The following COL4A6 variants were observed in gnomAD, a reference collection of about 807,000 sequenced individuals.
COL4A6 encodes collagen type IV alpha 6 chain.
Under a neutral mutation model 126.7 loss-of-function variants are expected in COL4A6, and 59 were observed. The observed-to-expected ratio is 0.47, with a 90% CI of 0.38 to 0.58. The LOEUF (loss-of-function observed/expected upper bound fraction) is 0.58, where lower values mean the gene tolerates loss of function less well. Ranked by LOEUF, COL4A6 falls within the 20% of genes least tolerant of loss-of-function variation. The pLI is 0.00. For synonymous variants in COL4A6, 547 were observed against 496.6 expected (o/e 1.10, Z -1.35); for missense variants, 1,285 against 1,337.3 (o/e 0.96, Z 0.61).
intron 3 of COL4A6, among the ~76,000 whole-genome samples, chrX:108,306,170 T>C (rs1398518103): frequency 8.9e-6 from 1 of 111,883 alleles, no homozygotes; most frequent in Non-Finnish European, 1.9e-5. Context: ...GAAGAAGGTG[T>C]CTTATATAGC....
At chrX:108,428,984 G>C (rs952202995) in intron 2 of COL4A6, among the ~76,000 whole-genome samples, 1 of 112,012 alleles carries the variant, frequency 8.9e-6, no homozygotes, top group Non-Finnish European at 1.9e-5. Flanking sequence ...GTTCACATGA[G>C]GACTTGAATA....
intron 2 of COL4A6, among the ~76,000 whole-genome samples, chrX:108,375,543 C>G (rs2040415372): frequency 9.0e-6 from 1 of 110,945 alleles, no homozygotes; most frequent in African/African-American, 3.3e-5. Context: ...TTATCTATTC[C>G]AAACTACCTT....
chrX:108,219,447 T>C (rs1207956183), intron 5 of COL4A6, among the ~76,000 whole-genome samples: 2 of 111,793 alleles, frequency 1.8e-5, no homozygotes, highest in African/African-American at 6.5e-5. Context: ...ACTTAACTCA[T>C]GTTGGCTAAG....
intron 15 of COL4A6, 155 bp from the exon 16 acceptor site, chrX:108,194,742 C>T (rs1016428058): frequency 1.8e-6 from 1 of 542,716 alleles, no homozygotes. Context: ...TAAAATCTTC[C>T]AGAAGACAAT....
At chrX:108,180,713 G>A (rs2034658518) in intron 24 of COL4A6, 91 bp from the exon 25 acceptor site, 3 of 823,932 alleles carry the variant, frequency 3.6e-6, no homozygotes, top group East Asian at 6.7e-5. Context: ...CAGTCTCTTG[G>A]AGAGCCTCTC....
chrX:108,173,497 TGC>T (rs1351505344), intron 31 of COL4A6, among the ~76,000 whole-genome samples: 187 of 104,433 alleles, frequency 1.8e-3, no homozygotes, highest in African/African-American at 5.3e-3. Context: ...TGTGTGTGTG[TGC>T]ACGCACACAC....
chrX:108,339,003 C>T (rs1054970807), intron 2 of COL4A6, among the ~76,000 whole-genome samples: 4 of 111,587 alleles, frequency 3.6e-5, no homozygotes, highest in Non-Finnish European at 7.5e-5. Context: ...CACTCATACC[C>T]AACTTCCCCT....
At chrX:108,417,463 C>G (rs2041456503) in intron 2 of COL4A6, among the ~76,000 whole-genome samples, 1 of 111,796 alleles carries the variant, frequency 8.9e-6, no homozygotes, top group African/African-American at 3.2e-5. Flanking sequence ...TGTTCTTGTT[C>G]TTTCACAGTT....
chrX:108,334,844 C>T (rs954387327), intron 2 of COL4A6, among the ~76,000 whole-genome samples: 5 of 111,706 alleles, frequency 4.5e-5, no homozygotes, highest in African/African-American at 1.6e-4. Context: ...TACCTCATAA[C>T]AGAGTTGTTA....
chrX:108,403,274 CTCTCTCTCA>C, intron 2 of COL4A6, among the ~76,000 whole-genome samples: 1 of 57,238 alleles, frequency 1.7e-5, no homozygotes, highest in African/African-American at 6.2e-5. Context: ...CTCTCTCTCT[CTCTCTCTCA>C]TCTTGTTTTG....
rs1480178926 is a variant in COL4A6, at chrX:108,239,504, G to A, written c.145-18130C>T. 4.5e-5 allele frequency among the ~76,000 whole-genome samples: 5 copies of A among 111,883 alleles called. 1 individual carries two copies. The highest frequency in any genetic ancestry group is 7.5e-4 in the South Asian group (2 of 2,664). ...TTGGTAGGACTGCTCATAGTCACCC[G>A]TGGAAGCCACCAGCCTGGGAGCTCT... On this transcript the variant is annotated intron_variant, in intron 3 of 44. Transcript: ENST00000334504.
intron 2 of COL4A6, among the ~76,000 whole-genome samples, chrX:108,369,946 G>C (rs1291916672): frequency 8.9e-6 from 1 of 112,140 alleles, no homozygotes; most frequent in Non-Finnish European, 1.9e-5. Context: ...ACTGGATTTG[G>C]CTGCAGTTTG....
intron 3 of COL4A6, among the ~76,000 whole-genome samples, chrX:108,242,323 G>A (rs146901464): frequency 4.5e-5 from 5 of 111,450 alleles, no homozygotes; most frequent in Non-Finnish European, 9.4e-5. Flanking sequence ...TTGTACAACC[G>A]TCTCCACCAT....
intron 29 of COL4A6, 144 bp downstream of exon 29, chrX:108,175,510 T>C (rs1372502571): frequency 1.8e-5 from 12 of 682,113 alleles, no homozygotes; most frequent in African/African-American, 1.3e-4. Context: ...AGTCTTTTGG[T>C]TTAAAAGGAC....
intron 3 of COL4A6, among the ~76,000 whole-genome samples, chrX:108,248,384 T>C (rs2036767635): frequency 2.7e-5 from 3 of 111,416 alleles, no homozygotes; most frequent in Non-Finnish European, 3.8e-5. Flanking sequence ...TACTCTTTCA[T>C]GTGAACTTCC....
At chrX:108,313,556 G>C (rs1023405079) in intron 2 of COL4A6, among the ~76,000 whole-genome samples, 2 of 110,936 alleles carry the variant, frequency 1.8e-5, no homozygotes, top group African/African-American at 6.6e-5. Flanking sequence ...CAACGTGCAG[G>C]TTTGTTACAT....
chrX:108,199,834 C>T (rs1041371651), intron 13 of COL4A6, among the ~76,000 whole-genome samples: 4 of 111,567 alleles, frequency 3.6e-5, no homozygotes, highest in Non-Finnish European at 7.5e-5. Context: ...AACCCCACCA[C>T]GGCAGGGATT....
intron 3 of COL4A6, among the ~76,000 whole-genome samples, chrX:108,284,805 G>A (rs146006239): frequency 0.03 from 3,349 of 112,047 alleles, 119 homozygotes; most frequent in African/African-American, 0.1. Context: ...AAATGGAACC[G>A]AGTTTTAGTT....
chrX:108,197,619 C>G (rs988987097), intron 13 of COL4A6, among the ~76,000 whole-genome samples: 19 of 111,814 alleles, frequency 1.7e-4, no homozygotes, highest in African/African-American at 4.9e-4. Flanking sequence ...CTTCCTTTTA[C>G]ATACATACTC....
Sources: allele counts gnomAD v4.1 joint callset (sites outside exome capture counted in the v4.1 genomes callset), GRCh38; gene constraint gnomAD v4.1.1; transcripts MANE v1.5; gene names NCBI Gene and HGNC (gene_info 2026-07-23, HGNC 2026-07-21).